Variants in PCIF1 observed in about 807,000 individuals in gnomAD.
PCIF1 encodes phosphorylated CTD interacting factor 1.
In PCIF1, 12 loss-of-function variants were observed where a neutral mutation model predicts 86.9. The observed-to-expected ratio is 0.14, with a 90% CI of 0.09 to 0.22. The LOEUF (loss-of-function observed/expected upper bound fraction) is 0.22. Among genes scored for constraint, PCIF1 ranks in the 10% least tolerant of loss-of-function variants. The probability of loss-of-function intolerance (pLI) is 1.00; values close to 1 mark genes in which losing one functional copy is unlikely to be tolerated. For missense variants in PCIF1, 701 were observed against 951.1 expected, an observed-to-expected ratio of 0.74 and a Z score of 3.46; for synonymous variants, 397 against 372.0, an observed-to-expected ratio of 1.07 and a Z score of -0.77.
intron 3 of PCIF1, 36 bp downstream of exon 3, chr20:45,939,159 G>A (rs1233613839): frequency 1.2e-6 from 2 of 1,614,030 alleles, no homozygotes; most frequent in Admixed American, 1.7e-5. Context: ...TGGTGGGGTA[G>A]GAAGGGCACC....
At position 45,946,216 on chromosome 20, in the gene PCIF1, G is replaced by A; in HGVS notation, c.1445G>A (p.Gly482Asp). 6.2e-7 allele frequency: 1 copy of A among 1,614,186 alleles called. No individual in the cohort carries two copies. Among genetic ancestry groups the A allele is most frequent in the Admixed American group, 1.7e-5 (1 of 60,034 alleles). ...LRRYQMMFGV[G>D]LYEGTGLQGS... The stretch of plus-strand genomic sequence containing the variant: ...ACTCCGCAGATGATGTTCGGCGTGG[G>A]CCTCTACGAGGGGACTGGCCTGCAG... The change falls in exon 14 of 17, where the codon GGC becomes GAC. Residue 482 changes from glycine to aspartate, a missense_variant. Gly to Asp is a moderately conservative substitution (Grantham distance 94). Around this residue, in one of 7 missense-constraint regions of PCIF1, gnomAD observed 61 missense variants for 118.5 expected, o/e 0.51. Transcript: ENST00000372409.
chr20:45,944,748 A>T, intron 10 of PCIF1, 120 bp from the exon 11 acceptor site: 1 of 1,067,192 alleles, frequency 9.4e-7, no homozygotes. Flanking sequence ...ACAGCTAGTC[A>T]GCAGCAGAGC....
Position 45,940,504 on chromosome 20 carries a change from A to G in PCIF1, c.279A>G (p.Pro93=), listed in dbSNP as rs13433327. ...ISDPLGLNAT[P]LPQDSSLVET... ...ACCCTTTGGGGCTGAATGCGACCCC[A>G]CTGCCCCAAGACTCAAGCTTGGTGG... Residue 93 remains proline (P), a synonymous_variant, in exon 5 of 17, where the codon CCA becomes CCG. Coordinates refer to ENST00000372409, the MANE Select transcript of PCIF1 (RefSeq NM_022104.4). The G allele has an allele frequency of 1.2e-6, 2 of 1,607,906 alleles. No individual in the cohort carries two copies. The highest frequency in any genetic ancestry group is 1.7e-6 in the Non-Finnish European group (2 of 1,177,008).
Position 45,947,834 on chromosome 20 carries a change from C to T in PCIF1, c.*79C>T. Reference sequence around the variant, plus strand: ...TCGGGCCCCTGGGGCCTCAGAGGGACCCCGGCTGCCACTGACATATGAAGA... The same window carrying T: ...TCGGGCCCCTGGGGCCTCAGAGGGATCCCGGCTGCCACTGACATATGAAGA... On this transcript the variant is annotated 3_prime_UTR_variant, in exon 17 of 17. Coordinates refer to ENST00000372409, the MANE Select transcript of PCIF1 (RefSeq NM_022104.4). This position sits in a 1 kb window ranked among gnomAD's most constrained non-coding sequence, Gnocchi z 5.4. The T allele has an allele frequency of 5.2e-6, 8 of 1,534,720 alleles. No homozygotes were observed. Among genetic ancestry groups the T allele is most frequent in the Non-Finnish European group, 6.9e-6 (8 of 1,153,412 alleles).
rs2083535155 is a variant in PCIF1 at position 45,947,038 on chromosome 20, C to T, written c.1614-35C>T. ...CTGTTTCTGGTTGAGGGACTGGGTC[C>T]TGATGGGACTTAGAATGCTCACTCC... On this transcript the variant is annotated intron_variant, in intron 14 of 16. Transcript: ENST00000372409. This position sits in a 1 kb window ranked among gnomAD's most constrained non-coding sequence, Gnocchi z 5.4. The T allele has an allele frequency of 3.8e-6, 6 of 1,559,142 alleles. No individual in the cohort carries two copies. The highest frequency in any genetic ancestry group is 4.4e-6 in the Non-Finnish European group (5 of 1,140,166).
At position 45,943,729 on chromosome 20, in the gene PCIF1, T is replaced by G; in HGVS notation, c.969T>G (p.Leu323=). ...ATGTGGAAGACACCTTTAGCTGGCT[T>G]CGGAAGGACCACTCAGCCTCCAAGG... ...KWNVEDTFSW[L]RKDHSASKED... is the part of the protein sequence containing the mutation. Residue 323 remains leucine (L), a synonymous_variant, in exon 10 of 17, where the codon CTT becomes CTG. Transcript: ENST00000372409. This position sits in a 1 kb window ranked among gnomAD's most constrained non-coding sequence, Gnocchi z 5.5. 1.3e-6 allele frequency: 2 copies of G among 1,561,282 alleles called. No homozygotes were observed. The highest frequency in any genetic ancestry group is 2.4e-5 in the South Asian group (2 of 84,658).
chr20:45,936,651 C>T (rs2145859271), intron 1 of PCIF1, among the ~76,000 whole-genome samples: 1 of 151,790 alleles, frequency 6.6e-6, no homozygotes, highest in East Asian at 2.0e-4. Flanking sequence ...TTTATTTGGG[C>T]CCGGCGCAGT....
At chr20:45,935,241 T>C (rs2145856781) in intron 1 of PCIF1, among the ~76,000 whole-genome samples, 1 of 151,418 alleles carries the variant, frequency 6.6e-6, no homozygotes, top group South Asian at 2.1e-4. Flanking sequence ...TCGTGCGCCG[T>C]CGCGCCTGCG....
chr20:45,946,333 G>T lies in PCIF1; in HGVS notation c.1562G>T (p.Arg521Leu). 6.2e-7 allele frequency: 1 copy of T among 1,613,984 alleles called. No individual in the cohort carries two copies. Among genetic ancestry groups the T allele is most frequent in the Non-Finnish European group, 8.5e-7 (1 of 1,180,032 alleles). Residue 521 changes from arginine (R) to leucine (L), a missense_variant, in exon 14 of 17, where the codon CGC becomes CTC. Transcript: ENST00000372409. ...GCCTCACCCCTCAACTGCTACTTCC[G>T]CCAGTACTGTTCTGCCTTCCCCGAC... is the stretch of plus-strand genomic sequence containing the variant. ...CFASPLNCYFRQYCSAFPDTD... is the reference protein window; with the variant it reads ...CFASPLNCYFLQYCSAFPDTD...
chr20:45,944,156 T>C (rs891350607), intron 10 of PCIF1, among the ~76,000 whole-genome samples: 3 of 152,120 alleles, frequency 2.0e-5, no homozygotes, highest in African/African-American at 7.2e-5. Context: ...TCCCTACTCT[T>C]AATGTGTCCA....
chr20:45,943,758 A>T lies in PCIF1; in HGVS notation c.998A>T (p.Asp333Val). 1 of 1,554,890 alleles carries T rather than the reference A, an allele frequency of 6.4e-7. No homozygotes were observed. The highest frequency in any genetic ancestry group is 1.2e-5 in the South Asian group (1 of 84,248). Reference protein sequence around the residue: ...LRKDHSASKEDYMDRLEHLRR... With the variant: ...LRKDHSASKEVYMDRLEHLRR... ...AAGGACCACTCAGCCTCCAAGGAGG[A>T]CTACATGGTGAGTGGGTCCCCGGGT... The change falls in exon 10 of 17, where the codon GAC becomes GTC. Residue 333 changes from aspartate (D) to valine (V), a missense_variant. By Grantham distance (152) the Asp-to-Val change is radical. Coordinates refer to ENST00000372409, the MANE Select transcript of PCIF1 (RefSeq NM_022104.4). This position sits in a 1 kb window ranked among gnomAD's most constrained non-coding sequence, Gnocchi z 5.5.
Position 45,943,264 on chromosome 20 carries a change from G to A in PCIF1, c.821+20G>A. Reference sequence around the variant, plus strand: ...TATCAGGTACAGCTCCACAGCTGGGGATGACCCTGGGCCATTTGGTTTCTG... The same window carrying A: ...TATCAGGTACAGCTCCACAGCTGGGAATGACCCTGGGCCATTTGGTTTCTG... On this transcript the variant is annotated intron_variant, in intron 8 of 16. Transcript: ENST00000372409. The surrounding 1 kb of genome is among the most constrained non-coding windows in gnomAD (Gnocchi z 5.5). 1 of 1,614,172 alleles carries A rather than the reference G, an allele frequency of 6.2e-7. No homozygotes were observed. The highest frequency in any genetic ancestry group is 2.2e-5 in the East Asian group (1 of 44,886).
chr20:45,942,350 T>C (rs531319411), intron 7 of PCIF1, among the ~76,000 whole-genome samples: 2 of 150,796 alleles, frequency 1.3e-5, no homozygotes, highest in African/African-American at 4.9e-5. Flanking sequence ...GTTTTGTTCT[T>C]GTTGCCCTGG....
chr20:45,937,355 C>T (rs1600500136), intron 1 of PCIF1, 63 bp from the exon 2 acceptor site: 1 of 398,980 alleles, frequency 2.5e-6, no homozygotes, highest in Non-Finnish European at 4.4e-6. Flanking sequence ...TTGTTTTTGT[C>T]CCTCTTGTCC....
At position 45,943,536 on chromosome 20, in the gene PCIF1, G is replaced by T. The variant is rs1486195981; in HGVS notation, c.905+113G>T. 3 of 1,342,724 alleles carry T rather than the reference G, an allele frequency of 2.2e-6. No individual in the cohort carries two copies. Among genetic ancestry groups the T allele is most frequent in the African/African-American group, 3.0e-5 (2 of 67,702 alleles). 83.2% of individuals were successfully genotyped at this position (1,342,724 alleles called of 1,614,324 possible). On this transcript the variant is annotated intron_variant, in intron 9 of 16. Transcript: ENST00000372409. This position sits in a 1 kb window ranked among gnomAD's most constrained non-coding sequence, Gnocchi z 5.5. Reference sequence around the variant, plus strand: ...TCATTGCTCTCGGTGGCAGAAGTGGGGCCAGCTCCCAAAGGCAGAACAAGG... The same window carrying T: ...TCATTGCTCTCGGTGGCAGAAGTGGTGCCAGCTCCCAAAGGCAGAACAAGG...
At chr20:45,938,330 C>G (rs904018379) in intron 2 of PCIF1, among the ~76,000 whole-genome samples, 2 of 152,206 alleles carry the variant, frequency 1.3e-5, no homozygotes, top group Admixed American at 1.3e-4. Flanking sequence ...CAATTAGATT[C>G]CATGCCCTTC....
rs748671998 is a variant in PCIF1 at position 45,943,256 on chromosome 20, C to T, written c.821+12C>T. ...GACATTCCTATCAGGTACAGCTCCA[C>T]AGCTGGGGATGACCCTGGGCCATTT... On this transcript the variant is annotated intron_variant, in intron 8 of 16. Coordinates refer to ENST00000372409, the MANE Select transcript of PCIF1 (RefSeq NM_022104.4). The surrounding 1 kb of genome is among the most constrained non-coding windows in gnomAD (Gnocchi z 5.5). The T allele has an allele frequency of 1.9e-6, 3 of 1,614,168 alleles. No homozygotes were observed. Among genetic ancestry groups the T allele is most frequent in the East Asian group, 2.2e-5 (1 of 44,884 alleles).
Position 45,944,786 on chromosome 20 carries a change from C to G in PCIF1, c.1006-82C>G. ...GTTTCAAAACAAGGACTGCTGGACT[C>G]CAACAGCCCTGCGGTTACCTGCCAG... On this transcript the variant is annotated intron_variant, in intron 10 of 16. Transcript: ENST00000372409. 2.0e-6 allele frequency: 3 copies of G among 1,473,920 alleles called. No individual in the cohort carries two copies. The South Asian group carries it at 3.9e-5, about 19-fold the overall frequency. The allele number at this position is 1,473,920 out of a possible 1,614,324, so 91.3% of individuals were successfully genotyped here. A position where few individuals can be genotyped will look rare whatever the true frequency, so the allele number is the denominator to read the frequency against.
Position 45,936,305 on chromosome 20 carries a change from G to A in PCIF1, c.-187-1113G>A, listed in dbSNP as rs192206773. ...TTCTTCTGCCTCAGCCTCCCGAGTA[G>A]CTGGGACTACAGGCTCCCGCCACCA... On this transcript the variant is annotated intron_variant, in intron 1 of 16. Coordinates refer to ENST00000372409, the MANE Select transcript of PCIF1 (RefSeq NM_022104.4). Among the ~76,000 whole-genome samples, 56 of 150,914 alleles carry A rather than the reference G, an allele frequency of 3.7e-4. No individual in the cohort carries two copies. In the East Asian group the frequency reaches 0.01, roughly 28 times the overall value.
Sources: allele counts gnomAD v4.1 joint callset (sites outside exome capture counted in the v4.1 genomes callset), GRCh38; gene constraint gnomAD v4.1.1; regional missense constraint gnomAD v4.1.1; non-coding constraint Gnocchi (gnomAD v3.1); transcripts MANE v1.5; gene names NCBI Gene and HGNC (gene_info 2026-07-23, HGNC 2026-07-21).